The following STPG2 variants were observed in gnomAD, a reference collection of about 807,000 sequenced individuals.
STPG2 encodes the protein sperm-tail PG-rich repeat-containing protein 2.
A neutral mutation model predicts 54.2 loss-of-function variants in STPG2; 56 were observed. The observed-to-expected ratio is 1.03, with a 90% CI of 0.83 to 1.29. The LOEUF is 1.29. STPG2 is among the 50% of genes most tolerant of loss of function. The pLI is 0.00. For synonymous variants in STPG2, 200 were observed against 181.8 expected, an observed-to-expected ratio of 1.10 and a Z score of -0.81; for missense variants, 596 against 544.9, an observed-to-expected ratio of 1.09 and a Z score of -0.93.
At chr4:97,787,017 T>C (rs898047810) in intron 9 of STPG2, among the ~76,000 whole-genome samples, 2 of 152,130 alleles carry the variant, frequency 1.3e-5, no homozygotes, top group African/African-American at 4.8e-5. Context: ...GAACGTATCT[T>C]CCTGGATTAG....
intron 10 of STPG2, among the ~76,000 whole-genome samples, chr4:97,655,853 A>G (rs894815745): frequency 1.3e-5 from 2 of 152,140 alleles, no homozygotes; most frequent in Admixed American, 1.3e-4. Context: ...ACAAATATAG[A>G]CACTTTTAAG....
intron 8 of STPG2, among the ~76,000 whole-genome samples, chr4:97,876,996 G>A (rs1305426722): frequency 6.6e-6 from 1 of 151,552 alleles, no homozygotes; most frequent in Non-Finnish European, 1.5e-5. Context: ...TATATTTATG[G>A]GGTACAATGT....
intron 10 of STPG2, among the ~76,000 whole-genome samples, chr4:97,597,523 A>C (rs949645160): frequency 6.6e-6 from 1 of 152,194 alleles, no homozygotes; most frequent in Non-Finnish European, 1.5e-5. Context: ...GTGATCAAAA[A>C]GCTAATCCAC....
chr4:97,466,939 G>C (rs1729802013), intron 4 of STPG2, among the ~76,000 whole-genome samples: 1 of 151,922 alleles, frequency 6.6e-6, no homozygotes, highest in Non-Finnish European at 1.5e-5. Flanking sequence ...ATTTGCAATA[G>C]ACTTTTTAGC....
chr4:98,080,196 A>C (rs1393124193), intron 5 of STPG2, among the ~76,000 whole-genome samples: 1 of 152,224 alleles, frequency 6.6e-6, no homozygotes, highest in Non-Finnish European at 1.5e-5. Flanking sequence ...TTAATGTAAA[A>C]TAATTTTCAA....
At chr4:97,898,319 T>C (rs1036952330) in intron 8 of STPG2, among the ~76,000 whole-genome samples, 4 of 151,980 alleles carry the variant, frequency 2.6e-5, no homozygotes, top group Non-Finnish European at 5.9e-5. Context: ...TCAATGATCA[T>C]GTGTTACTCT....
intron 8 of STPG2, among the ~76,000 whole-genome samples, chr4:97,903,233 A>C (rs1447731808): frequency 6.6e-6 from 1 of 152,144 alleles, no homozygotes; most frequent in Non-Finnish European, 1.5e-5. Context: ...TACACACAAA[A>C]AGGAAACTAT....
At chr4:98,128,340 CT>C (rs1260772140) in intron 3 of STPG2, 87 bp downstream of exon 3, 1 of 1,212,680 alleles carries the variant, frequency 8.2e-7, no homozygotes. Context: ...TCATTTTTTT[CT>C]TGGAGAAATA....
chr4:97,981,833 TTATATA>T (rs3047345), intron 5 of STPG2, among the ~76,000 whole-genome samples: 56,614 of 143,272 alleles, frequency 0.4, 11,253 homozygotes, highest in Middle Eastern at 0.45. Flanking sequence ...TATAAAATGT[TTATATA>T]TATATATATA....
At chr4:97,699,318 G>A (rs1340478012) in intron 10 of STPG2, among the ~76,000 whole-genome samples, 1 of 152,174 alleles carries the variant, frequency 6.6e-6, no homozygotes, top group Non-Finnish European at 1.5e-5. Flanking sequence ...AAGAGGCTGA[G>A]TGGTATCCAC....
chr4:98,062,477 T>A (rs572982828), intron 5 of STPG2, among the ~76,000 whole-genome samples: 1 of 152,108 alleles, frequency 6.6e-6, no homozygotes, highest in South Asian at 2.1e-4. Context: ...CAAAAAAACT[T>A]GTATTTGGAA....
At chr4:97,662,138 A>C (rs1253218895) in intron 10 of STPG2, among the ~76,000 whole-genome samples, 1 of 152,182 alleles carries the variant, frequency 6.6e-6, no homozygotes, top group Admixed American at 6.5e-5. Context: ...GCATCTGTCA[A>C]GGTCTAATAT....
intron 4 of STPG2, among the ~76,000 whole-genome samples, chr4:97,473,495 G>T (rs186814187): frequency 1.3e-5 from 2 of 152,078 alleles, no homozygotes; most frequent in Non-Finnish European, 2.9e-5. Context: ...ATAAATTTTG[G>T]TCAGACCGGT....
At chr4:97,639,487 A>T (rs1236413508) in intron 10 of STPG2, among the ~76,000 whole-genome samples, 1 of 152,042 alleles carries the variant, frequency 6.6e-6, no homozygotes, top group Non-Finnish European at 1.5e-5. Flanking sequence ...TAAAACTTAA[A>T]GTATAATTTA....
intron 8 of STPG2, among the ~76,000 whole-genome samples, chr4:97,924,223 A>G (rs552927972): frequency 6.6e-6 from 1 of 152,200 alleles, no homozygotes; most frequent in Non-Finnish European, 1.5e-5. Context: ...CACCTTTAAG[A>G]ACTGTAACAC....
At chr4:97,768,022 G>GC (rs1439407401) in intron 9 of STPG2, among the ~76,000 whole-genome samples, 4 of 152,052 alleles carry the variant, frequency 2.6e-5, no homozygotes, top group Admixed American at 1.3e-4. Flanking sequence ...AAAAAAATTA[G>GC]CGGGCGTGGT....
intron 5 of STPG2, among the ~76,000 whole-genome samples, chr4:98,030,699 C>T (rs966916663): frequency 6.6e-6 from 1 of 152,006 alleles, no homozygotes; most frequent in African/African-American, 2.4e-5. Flanking sequence ...CATAGACCAA[C>T]AGATCAGAAA....
At chr4:97,695,163 A>G (rs1723528055) in intron 10 of STPG2, among the ~76,000 whole-genome samples, 1 of 152,108 alleles carries the variant, frequency 6.6e-6, no homozygotes, top group African/African-American at 2.4e-5. Flanking sequence ...AGTGGGTTTC[A>G]TATCTGGGAT....
chr4:98,131,332 T>A (rs968864866), intron 2 of STPG2, among the ~76,000 whole-genome samples: 2 of 152,202 alleles, frequency 1.3e-5, no homozygotes, highest in Admixed American at 6.5e-5. Context: ...GTTAAAATTA[T>A]ACATCTCAGG....
Sources: gnomAD v4.1 joint callset for allele counts (sites outside exome capture counted in the v4.1 genomes callset) on GRCh38, gnomAD v4.1.1 for gene constraint, MANE v1.5 for transcripts, NCBI Gene and HGNC (gene_info 2026-07-23, HGNC 2026-07-21) for gene names.